KIAA1671: variants seen among roughly 807,000 people sequenced by gnomAD.
KIAA1671 encodes the protein uncharacterized protein KIAA1671.
A neutral mutation model predicts 131.2 loss-of-function variants in KIAA1671; 52 were observed. That is an observed-to-expected ratio of 0.40 (90% CI 0.32 to 0.50). KIAA1671 has a LOEUF of 0.50. KIAA1671 is among the 20% of genes least tolerant of loss of function. KIAA1671 has a pLI of 0.73. For missense variants in KIAA1671, 2,360 were observed against 2,364.2 expected, an observed-to-expected ratio of 1.00 and a Z score of 0.04; for synonymous variants, 1,003 against 961.6, an observed-to-expected ratio of 1.04 and a Z score of -0.80.
At chr22:24,982,646 C>T (rs1923296659) in intron 1 of KIAA1671, among the ~76,000 whole-genome samples, 1 of 152,200 alleles carries the variant, frequency 6.6e-6, no homozygotes, top group Non-Finnish European at 1.5e-5. Flanking sequence ...GAGTCTAGGG[C>T]ATCCCTTGCC....
At chr22:25,097,467 G>A (rs982707629) in intron 6 of KIAA1671, among the ~76,000 whole-genome samples, 1 of 152,204 alleles carries the variant, frequency 6.6e-6, no homozygotes, top group African/African-American at 2.4e-5. Context: ...TAGGCTGGGT[G>A]CAGTGGCTCA....
intron 6 of KIAA1671, chr22:25,070,049 T>C: frequency 3.4e-6 from 1 of 290,114 alleles, no homozygotes; most frequent in Non-Finnish European, 6.3e-6. Context: ...AAACCCTCCG[T>C]GCCTACGGCT....
intron 5 of KIAA1671, among the ~76,000 whole-genome samples, chr22:25,047,737 TG>T (rs1320198666): frequency 3.9e-5 from 6 of 152,136 alleles, no homozygotes; most frequent in Non-Finnish European, 8.8e-5. Flanking sequence ...CCTCCCGAAG[TG>T]GTGGGATTAC....
chr22:25,033,986 C>T (rs370179879), intron 4 of KIAA1671, among the ~76,000 whole-genome samples: 1,946 of 151,798 alleles, frequency 0.013, 33 homozygotes, highest in African/African-American at 0.041. Context: ...CCTGTGAAAC[C>T]ACCATCACAG....
chr22:25,178,929 C>T (rs1325673652), intron 9 of KIAA1671, among the ~76,000 whole-genome samples: 2 of 152,236 alleles, frequency 1.3e-5, no homozygotes, highest in Admixed American at 1.3e-4. Context: ...GCCAGGGGCG[C>T]CGGCTCAGAG....
chr22:25,041,471 G>A lies in KIAA1671; in HGVS notation c.4341G>A (p.Leu1447=). The part of the protein sequence containing the change: ...KGRPSLTGEN[L]EAKMGPCWWE... Reference sequence around the variant, plus strand: ...GGCCCAGCCTTACTGGAGAGAATTTGGAGGCCAAAATGGGACCCTGTTGGT... The same window carrying A: ...GGCCCAGCCTTACTGGAGAGAATTTAGAGGCCAAAATGGGACCCTGTTGGT... Residue 1447 remains leucine (L), a synonymous_variant, in exon 5 of 13, where the codon TTG becomes TTA. Coordinates refer to ENST00000358431, the MANE Select transcript of KIAA1671 (RefSeq NM_001145206.2). The A allele has an allele frequency of 6.4e-7, 1 of 1,551,422 alleles. No homozygotes were observed. The highest frequency in any genetic ancestry group is 8.7e-7 in the Non-Finnish European group (1 of 1,146,930).
intron 1 of KIAA1671, among the ~76,000 whole-genome samples, chr22:24,957,444 AGGTTTGGGACAGAGAGGAG>A (rs1424890506): frequency 6.6e-6 from 1 of 152,174 alleles, no homozygotes; most frequent in African/African-American, 2.4e-5. Context: ...AGGCTTTGGC[AGGTTTGGGACAGAGAGGAG>A]GGCAGGAGCA....
intron 6 of KIAA1671, among the ~76,000 whole-genome samples, chr22:25,161,410 C>T (rs1018469272): frequency 2.6e-5 from 4 of 152,246 alleles, no homozygotes; most frequent in Non-Finnish European, 5.9e-5. Context: ...ATGAGTGGGC[C>T]TGGGCCCGTG....
chr22:25,112,709 C>T, intron 6 of KIAA1671: 1 of 268,000 alleles, frequency 3.7e-6, no homozygotes, highest in Non-Finnish European at 6.9e-6. Flanking sequence ...AGGGCCAGCA[C>T]GTGAGTTGGG....
intron 6 of KIAA1671, chr22:25,053,329 T>C (rs1927645007): frequency 6.6e-6 from 1 of 152,258 alleles, no homozygotes; most frequent in African/African-American, 2.4e-5. Context: ...CTCTCCTCTT[T>C]TCCCCAGGAA....
At chr22:25,094,313 T>G (rs1930294419) in intron 6 of KIAA1671, among the ~76,000 whole-genome samples, 1 of 151,776 alleles carries the variant, frequency 6.6e-6, no homozygotes, top group Non-Finnish European at 1.5e-5. Flanking sequence ...GTGCTGCGGG[T>G]GGTACATGCA....
intron 6 of KIAA1671, among the ~76,000 whole-genome samples, chr22:25,125,789 G>A (rs374803694): frequency 5.9e-5 from 9 of 152,152 alleles, no homozygotes; most frequent in Admixed American, 5.2e-4. Flanking sequence ...AGCTCATCCT[G>A]GGATGTGAGT....
At chr22:24,993,139 T>C (rs1923936563) in intron 1 of KIAA1671, among the ~76,000 whole-genome samples, 1 of 152,078 alleles carries the variant, frequency 6.6e-6, no homozygotes. Context: ...AGACGGAGGA[T>C]GCTGACATGT....
At chr22:25,149,387 G>A (rs2145974422) in intron 6 of KIAA1671, among the ~76,000 whole-genome samples, 1 of 152,300 alleles carries the variant, frequency 6.6e-6, no homozygotes, top group East Asian at 1.9e-4. Context: ...CACTCCTTCA[G>A]GAATTCATTG....
chr22:25,088,765 C>T (rs1392824562), intron 6 of KIAA1671, among the ~76,000 whole-genome samples: 1 of 152,200 alleles, frequency 6.6e-6, no homozygotes, highest in Non-Finnish European at 1.5e-5. Flanking sequence ...GCAGTCCCCT[C>T]CTCCGGAAAC....
At chr22:25,135,149 G>C (rs1327714647) in intron 6 of KIAA1671, among the ~76,000 whole-genome samples, 1 of 152,168 alleles carries the variant, frequency 6.6e-6, no homozygotes, top group African/African-American at 2.4e-5. Context: ...ACTTTGGGCT[G>C]TTAGTGCCAG....
At chr22:25,111,226 G>GC (rs1019022735) in intron 6 of KIAA1671, among the ~76,000 whole-genome samples, 2 of 152,102 alleles carry the variant, frequency 1.3e-5, no homozygotes, top group Non-Finnish European at 1.5e-5. Context: ...CGACATACAC[G>GC]CACACACACA....
At chr22:25,156,315 GT>G (rs1933241058) in intron 6 of KIAA1671, among the ~76,000 whole-genome samples, 3 of 151,784 alleles carry the variant, frequency 2.0e-5, no homozygotes, top group African/African-American at 2.4e-5. Flanking sequence ...ATGAGCCACC[GT>G]GCCTGGCCTG....
At chr22:25,067,190 G>C (rs569218460) in intron 6 of KIAA1671, among the ~76,000 whole-genome samples, 2 of 152,166 alleles carry the variant, frequency 1.3e-5, no homozygotes, top group East Asian at 3.9e-4. Flanking sequence ...GTTGGCACCT[G>C]CCCAGCGGTG....
Sources: gnomAD v4.1 joint callset for allele counts (sites outside exome capture counted in the v4.1 genomes callset) on GRCh38, gnomAD v4.1.1 for gene constraint, MANE v1.5 for transcripts, NCBI Gene and HGNC (gene_info 2026-07-23, HGNC 2026-07-21) for gene names.